Variants in NPAS2 observed in about 807,000 individuals in gnomAD.
NPAS2 encodes neuronal PAS domain-containing protein 2.
Under a neutral mutation model 107.5 loss-of-function variants are expected in NPAS2, and 23 were observed. The observed-to-expected ratio is 0.21, with a 90% CI of 0.15 to 0.30. The LOEUF (loss-of-function observed/expected upper bound fraction) is 0.30. Among genes scored for constraint, NPAS2 ranks in the 10% least tolerant of loss-of-function variants. The pLI is 1.00. For synonymous variants in NPAS2, 403 were observed against 417.5 expected (o/e 0.97, Z 0.42); for missense variants, 756 against 1,043.3 (o/e 0.72, Z 3.79).
rs1334612721 is a variant in NPAS2 at position 100,869,954 on chromosome 2, G to A, written c.-22-34779G>A. On this transcript the variant is annotated intron_variant, in intron 1 of 20. Transcript: ENST00000335681. The stretch of plus-strand genomic sequence containing the variant: ...GAGTCTCGCTCTGTCGCCCAGGCTG[G>A]AGTGCAGTGGCACGATCTTGGCTCA... Among the ~76,000 whole-genome samples, 3 of 145,396 alleles carry A rather than the reference G, an allele frequency of 2.1e-5. No homozygotes were observed. In the East Asian group the frequency reaches 6.2e-4, roughly 30 times the overall value.
At chr2:100,964,431 C>T (rs1021479894) in intron 8 of NPAS2, among the ~76,000 whole-genome samples, 1 of 152,208 alleles carries the variant, frequency 6.6e-6, no homozygotes, top group African/African-American at 2.4e-5. Flanking sequence ...TGTAAATCTT[C>T]CCACCTTTCA....
At chr2:100,932,807 A>G in intron 3 of NPAS2, 103 bp from the exon 4 acceptor site, 1 of 803,162 alleles carries the variant, frequency 1.2e-6, no homozygotes, top group Non-Finnish European at 2.1e-6. Context: ...TAAACTACAC[A>G]GAAGTTTACA....
At chr2:100,849,552 A>C (rs1678013929) in intron 1 of NPAS2, among the ~76,000 whole-genome samples, 1 of 152,158 alleles carries the variant, frequency 6.6e-6, no homozygotes, top group Non-Finnish European at 1.5e-5. Context: ...TCTCTGCCTC[A>C]ACCATATTCT....
chr2:100,881,465 C>G (rs1358655388), intron 1 of NPAS2, among the ~76,000 whole-genome samples: 1 of 152,244 alleles, frequency 6.6e-6, no homozygotes, highest in Non-Finnish European at 1.5e-5. Flanking sequence ...GCAGGCAGAT[C>G]ACTTGAGGCC....
At position 100,924,940 on chromosome 2, in the gene NPAS2, GCTGT is replaced by G. The variant is rs531427564; in HGVS notation, c.33-199_33-196del. 5.9e-5 allele frequency among the ~76,000 whole-genome samples: 9 copies of G among 152,304 alleles called. No homozygotes were observed. In the South Asian group the frequency reaches 1.9e-3, roughly 32 times the overall value. ...GAGTCAGAACTTACTGGTTATTAAT[GCTGT>G]CTGTCTTTGTGGCCAAGAGTCTAGC... On this transcript the variant is annotated intron_variant, in intron 2 of 20. Coordinates refer to ENST00000335681, the MANE Select transcript of NPAS2 (RefSeq NM_002518.4).
At chr2:100,952,018 G>A (rs1024576179) in intron 7 of NPAS2, among the ~76,000 whole-genome samples, 3 of 151,884 alleles carry the variant, frequency 2.0e-5, no homozygotes, top group African/African-American at 7.3e-5. Context: ...GCGTGGTGGT[G>A]GCGGGCGCCT....
Position 100,995,904 on chromosome 2 carries a change from A to C in NPAS2, c.*322A>C. ...GGCGCATCTCGCTGCATCCCCCGAG[A>C]GTACACCGGTTGCTCTAGCCACCTG... On this transcript the variant is annotated 3_prime_UTR_variant, in exon 21 of 21. Coordinates refer to ENST00000335681, the MANE Select transcript of NPAS2 (RefSeq NM_002518.4). 1 of 1,440,658 alleles carries C rather than the reference A, an allele frequency of 6.9e-7. No homozygotes were observed. Among genetic ancestry groups the C allele is most frequent in the Non-Finnish European group, 9.2e-7 (1 of 1,083,470 alleles). The allele number at this position is 1,440,658 out of a possible 1,614,324, so 89.2% of individuals were successfully genotyped here. A position where few individuals can be genotyped will look rare whatever the true frequency, so the allele number is the denominator to read the frequency against.
chr2:100,968,270 T>C lies in NPAS2; in HGVS notation c.908-11T>C. 1.2e-6 allele frequency: 2 copies of C among 1,613,676 alleles called. No individual in the cohort carries two copies. The highest frequency in any genetic ancestry group is 1.7e-6 in the Non-Finnish European group (2 of 1,179,614). The stretch of plus-strand genomic sequence containing the variant: ...CATTGGTTATATGCGGAATCCATTT[T>C]CTACCGACAGTGATGCAGTTTGGCA... On this transcript the variant is annotated splice_polypyrimidine_tract_variant and intron_variant, in intron 10 of 20. Transcript: ENST00000335681. The surrounding 1 kb of genome is among the most constrained non-coding windows in gnomAD (Gnocchi z 5.3).
chr2:100,928,237 G>T (rs879859198), intron 3 of NPAS2, among the ~76,000 whole-genome samples: 1 of 152,084 alleles, frequency 6.6e-6, no homozygotes, highest in Non-Finnish European at 1.5e-5. Context: ...AATCAAGCAG[G>T]ATTGGAACGA....
At chr2:100,887,734 C>T (rs1331003079) in intron 1 of NPAS2, among the ~76,000 whole-genome samples, 5 of 151,626 alleles carry the variant, frequency 3.3e-5, no homozygotes, top group African/African-American at 1.2e-4. Context: ...TTCCTCTTAC[C>T]CGGGTCCCCT....
chr2:100,957,264 T>A (rs1393876321), intron 7 of NPAS2, among the ~76,000 whole-genome samples: 1 of 152,204 alleles, frequency 6.6e-6, no homozygotes, highest in Non-Finnish European at 1.5e-5. Context: ...GCAAAGCCTC[T>A]TGGAGGGCTC....
chr2:100,991,866 C>T (rs1678155308), intron 19 of NPAS2, among the ~76,000 whole-genome samples: 1 of 152,212 alleles, frequency 6.6e-6, no homozygotes, highest in South Asian at 2.1e-4. Flanking sequence ...AGGCCACGGG[C>T]CCCTTGGGCT....
chr2:100,833,490 G>A (rs1226910885), intron 1 of NPAS2, among the ~76,000 whole-genome samples: 1 of 152,168 alleles, frequency 6.6e-6, no homozygotes, highest in Non-Finnish European at 1.5e-5. Context: ...GTACATTCTA[G>A]CAAGTAAAAC....
At chr2:100,894,504 A>C (rs1681278271) in intron 1 of NPAS2, among the ~76,000 whole-genome samples, 2 of 152,182 alleles carry the variant, frequency 1.3e-5, no homozygotes, top group Non-Finnish European at 2.9e-5. Flanking sequence ...ACTTCCCCTT[A>C]CTACTTCCCA....
At chr2:100,877,903 A>G in intron 1 of NPAS2, 2 of 898,624 alleles carry the variant, frequency 2.2e-6, no homozygotes, top group Non-Finnish European at 2.7e-6. Context: ...AATACCAGGG[A>G]CCAAGTAAAA....
intron 1 of NPAS2, among the ~76,000 whole-genome samples, chr2:100,898,724 CAT>C (rs1176303641): frequency 6.6e-6 from 1 of 150,416 alleles, no homozygotes; most frequent in Admixed American, 6.6e-5. Flanking sequence ...AGGCAAAAAT[CAT>C]ATAATTTTTT....
Position 100,995,635 on chromosome 2 carries a change from G to T in NPAS2, c.*53G>T. 6.4e-7 allele frequency: 1 copy of T among 1,570,412 alleles called. No homozygotes were observed. ...TCAGCTTTAACCAATGGATGAGGGG[G>T]GTGGCCACAGGAGATGGGGAGAGGA... On this transcript the variant is annotated 3_prime_UTR_variant, in exon 21 of 21. Transcript: ENST00000335681.
chr2:100,961,004 T>C (rs1228419608), intron 7 of NPAS2, among the ~76,000 whole-genome samples: 2 of 152,118 alleles, frequency 1.3e-5, no homozygotes, highest in African/African-American at 4.8e-5. Flanking sequence ...GGAGGGAAAA[T>C]GTAGCAAGAA....
rs1266282238 is a variant in NPAS2 at position 100,993,510 on chromosome 2, C to A, written c.2275C>A (p.Pro759Thr). The change falls in exon 20 of 21, where the codon CCG (proline) becomes ACG (threonine). Residue 759 changes from proline (P) to threonine (T), a missense_variant. Pro to Thr is a conservative substitution (Grantham distance 38, BLOSUM62 -1). This residue lies in a region of NPAS2 where 496 missense variants were observed against 594.4 expected (regional missense o/e 0.83). Coordinates refer to ENST00000335681, the MANE Select transcript of NPAS2 (RefSeq NM_002518.4). ...LQPAQARQQP[P>T]QHYLQVQAPT... Reference sequence around the variant, plus strand: ...GCCTGCACAGGCCCGGCAGCAGCCACCGCAGCACTACCTGCAGGTGGGTGC... The same window carrying A: ...GCCTGCACAGGCCCGGCAGCAGCCAACGCAGCACTACCTGCAGGTGGGTGC... 2 of 1,580,848 alleles carry A rather than the reference C, an allele frequency of 1.3e-6. No homozygotes were observed. Among genetic ancestry groups the A allele is most frequent in the East Asian group, 4.7e-5 (2 of 42,674 alleles).
Sources: allele counts gnomAD v4.1 joint callset (sites outside exome capture counted in the v4.1 genomes callset), GRCh38; gene constraint gnomAD v4.1.1; regional missense constraint gnomAD v4.1.1; non-coding constraint Gnocchi (gnomAD v3.1); transcripts MANE v1.5; gene names NCBI Gene and HGNC (gene_info 2026-07-23, HGNC 2026-07-21).